The following MED13L variants were observed in gnomAD, a reference collection of about 807,000 sequenced individuals.
MED13L encodes mediator of RNA polymerase II transcription subunit 13-like.
Under a neutral mutation model 220.9 loss-of-function variants are expected in MED13L, and 7 were observed. That is an observed-to-expected ratio of 0.03 (90% CI 0.02 to 0.06). MED13L has a LOEUF of 0.06. Ranked by LOEUF, MED13L falls within the 10% of genes least tolerant of loss-of-function variation. The probability of loss-of-function intolerance (pLI) is 1.00; values close to 1 mark genes in which losing one functional copy is unlikely to be tolerated. For synonymous variants in MED13L, 1,011 were observed against 1,015.2 expected, an observed-to-expected ratio of 1.00 and a Z score of 0.08; for missense variants, 1,965 against 2,760.5, an observed-to-expected ratio of 0.71 and a Z score of 6.46.
chr12:115,993,041 A>C (rs117615393), intron 16 of MED13L, among the ~76,000 whole-genome samples: 1 of 152,210 alleles, frequency 6.6e-6, no homozygotes, highest in African/African-American at 2.4e-5. Flanking sequence ...TCAAAACAGT[A>C]AAGTACAACA....
chr12:116,108,404 C>T (rs61939695), intron 3 of MED13L, among the ~76,000 whole-genome samples: 12,899 of 40,320 alleles, frequency 0.32, 1,378 homozygotes, highest in Middle Eastern at 0.44. Context: ...GGGGGGGGCG[C>T]GTGGGGGGTG....
intron 2 of MED13L, among the ~76,000 whole-genome samples, chr12:116,197,268 T>C (rs1881692400): frequency 1.3e-5 from 2 of 152,214 alleles, no homozygotes. Flanking sequence ...TCAGCATCTA[T>C]CTGACAGCAC....
chr12:116,105,065 T>A (rs913000955), intron 3 of MED13L, among the ~76,000 whole-genome samples: 3 of 152,220 alleles, frequency 2.0e-5, no homozygotes, highest in African/African-American at 7.2e-5. Context: ...CTAACTATCC[T>A]AACAAAGTAA....
chr12:116,254,697 C>T (rs1871883010), intron 1 of MED13L, among the ~76,000 whole-genome samples: 1 of 151,402 alleles, frequency 6.6e-6, no homozygotes, highest in Admixed American at 6.6e-5. Flanking sequence ...GCGGAGGTTA[C>T]AGTCAGCTGA....
At chr12:116,020,076 T>G in intron 5 of MED13L, 104 bp from the exon 6 acceptor site, 3 of 1,004,992 alleles carry the variant, frequency 3.0e-6, no homozygotes, top group Middle Eastern at 4.8e-4. Flanking sequence ...TCACTTAATG[T>G]GCATTGTTCT....
rs570437381 is a variant in MED13L, at chr12:116,106,221, A to C, written c.395+5207T>G. 2.0e-5 allele frequency among the ~76,000 whole-genome samples: 3 copies of C among 152,268 alleles called. No homozygotes were observed. In the South Asian group the frequency reaches 6.2e-4, roughly 32 times the overall value. ...TCATAAAACACTTATGGTATCTTGA[A>C]GCAGGCCAAAATGAAGAGAGTGGGA... On this transcript the variant is annotated intron_variant, in intron 3 of 30. Transcript: ENST00000281928.
intron 3 of MED13L, among the ~76,000 whole-genome samples, chr12:116,105,246 A>C (rs1393011049): frequency 1.3e-5 from 2 of 152,230 alleles, no homozygotes; most frequent in Admixed American, 6.5e-5. Flanking sequence ...AATCATAAAT[A>C]CCTAACAAAA....
chr12:116,144,162 A>G (rs1877297937), intron 2 of MED13L, among the ~76,000 whole-genome samples: 1 of 152,206 alleles, frequency 6.6e-6, no homozygotes, highest in African/African-American at 2.4e-5. Flanking sequence ...CAGCCCTGAA[A>G]TACTCACACC....
At chr12:116,229,256 T>C (rs1028094843) in intron 2 of MED13L, among the ~76,000 whole-genome samples, 1 of 152,220 alleles carries the variant, frequency 6.6e-6, no homozygotes, top group Non-Finnish European at 1.5e-5. Flanking sequence ...AAAAACAATA[T>C]ACCAAATAAC....
chr12:116,008,913 C>T lies in MED13L; in HGVS notation c.1500G>A (p.Glu500=), dbSNP rs973629374. Residue 500 remains glutamate, a synonymous_variant, in exon 10 of 31, where the codon GAG becomes GAA. Coordinates refer to ENST00000281928, the MANE Select transcript of MED13L (RefSeq NM_015335.5). ...CTAGTTTCTGTCCTGGTGTATCTTG[C>T]TCCATGCATAATTCTTCGGCCACAG... ...RPSVAEELCM[E]QDTPGQKLGL... 1 of 1,614,070 alleles carries T rather than the reference C, an allele frequency of 6.2e-7. No homozygotes were observed. Among genetic ancestry groups the T allele is most frequent in the Non-Finnish European group, 8.5e-7 (1 of 1,180,038 alleles).
At chr12:116,275,237 T>A (rs1418285217) in intron 1 of MED13L, among the ~76,000 whole-genome samples, 1 of 152,100 alleles carries the variant, frequency 6.6e-6, no homozygotes, top group Admixed American at 6.5e-5. Context: ...TGGAAGTCCC[T>A]GAACCTGACT....
At chr12:116,010,875 G>A (rs1322933962) in intron 9 of MED13L, among the ~76,000 whole-genome samples, 1 of 151,600 alleles carries the variant, frequency 6.6e-6, no homozygotes, top group Non-Finnish European at 1.5e-5. Context: ...AAAAATTAAG[G>A]ATTTTTCTTT....
At chr12:116,037,032 A>G (rs1476068615) in intron 4 of MED13L, among the ~76,000 whole-genome samples, 1 of 152,216 alleles carries the variant, frequency 6.6e-6, no homozygotes, top group East Asian at 1.9e-4. Flanking sequence ...TTAATTGCAC[A>G]TAATTTTCTA....
At chr12:116,037,558 T>C (rs1356911175) in intron 4 of MED13L, among the ~76,000 whole-genome samples, 1 of 152,318 alleles carries the variant, frequency 6.6e-6, no homozygotes, top group East Asian at 1.9e-4. Context: ...AGAGCAAAGT[T>C]AGCAAGCCCC....
At chr12:116,061,435 T>A (rs1869471485) in intron 4 of MED13L, among the ~76,000 whole-genome samples, 4 of 152,202 alleles carry the variant, frequency 2.6e-5, no homozygotes, top group Non-Finnish European at 5.9e-5. Context: ...TCTTACCTAT[T>A]ATAAGCTGCC....
chr12:116,054,193 TACACACACACACACACACAAACAC>T, intron 4 of MED13L, among the ~76,000 whole-genome samples: 1 of 148,222 alleles, frequency 6.7e-6, no homozygotes. Context: ...TAACAACTAT[TACACACACACACACACACAAACAC>T]ACACACACAC....
At chr12:116,125,849 C>T (rs1016684148) in intron 2 of MED13L, among the ~76,000 whole-genome samples, 2 of 152,090 alleles carry the variant, frequency 1.3e-5, no homozygotes, top group Admixed American at 6.6e-5. Context: ...TCTTAGTAAT[C>T]AGAACATTTT....
At chr12:116,106,781 G>A (rs976223196) in intron 3 of MED13L, among the ~76,000 whole-genome samples, 2 of 150,964 alleles carry the variant, frequency 1.3e-5, no homozygotes, top group African/African-American at 4.9e-5. Flanking sequence ...GAGAGGCAGA[G>A]ATTGCAGTGA....
chr12:116,034,506 G>A (rs1881053644), intron 4 of MED13L, among the ~76,000 whole-genome samples: 1 of 152,172 alleles, frequency 6.6e-6, no homozygotes. Flanking sequence ...GAGCCTGCAT[G>A]AGGCATATTC....
Sources: gnomAD v4.1 joint callset for allele counts (sites outside exome capture counted in the v4.1 genomes callset) on GRCh38, gnomAD v4.1.1 for gene constraint, MANE v1.5 for transcripts, NCBI Gene and HGNC (gene_info 2026-07-23, HGNC 2026-07-21) for gene names.